The following ACTR5 variants were observed in gnomAD, a reference collection of about 807,000 sequenced individuals.
ACTR5 encodes actin related protein 5, also known as actin-related protein 5.
ACTR5 carries 43 observed loss-of-function variants against 61.2 expected under a neutral mutation model. That is an observed-to-expected ratio of 0.70 (90% CI 0.55 to 0.91). The LOEUF (loss-of-function observed/expected upper bound fraction) is 0.91, where lower values mean the gene tolerates loss of function less well. Ranked by LOEUF, ACTR5 falls within the 40% of genes least tolerant of loss-of-function variation. The pLI, the probability that ACTR5 is intolerant of heterozygous loss-of-function variation, is 0.00. For missense variants in ACTR5, 798 were observed against 782.2 expected, an observed-to-expected ratio of 1.02 and a Z score of -0.24; for synonymous variants, 333 against 310.5, an observed-to-expected ratio of 1.07 and a Z score of -0.76.
intron 5 of ACTR5, among the ~76,000 whole-genome samples, chr20:38,757,972 T>C (rs183239328): frequency 4.9e-4 from 74 of 151,918 alleles, no homozygotes; most frequent in African/African-American, 1.7e-3. Context: ...TCCGGAACCA[T>C]GTTGTCTTTG....
At position 38,765,919 on chromosome 20, in the gene ACTR5, C is replaced by T. The variant is rs888733022; in HGVS notation, c.1294-319C>T. On this transcript the variant is annotated intron_variant, in intron 6 of 8. Transcript: ENST00000243903. ...CCCACCTGGGAGAGAGCTTCCTTGC[C>T]GTGCAGGGATAGGGCACTAAGCAAG... Among the ~76,000 whole-genome samples, 18 of 152,206 alleles carry T rather than the reference C, an allele frequency of 1.2e-4. 2 individuals carry two copies. Among genetic ancestry groups the T allele is most frequent in the African/African-American group, 2.2e-4 (9 of 41,446 alleles).
At chr20:38,769,825 G>A (rs553904953) in intron 8 of ACTR5, among the ~76,000 whole-genome samples, 1 of 152,310 alleles carries the variant, frequency 6.6e-6, no homozygotes, top group Admixed American at 6.5e-5. Flanking sequence ...GTCTAAGAAG[G>A]AGGTGGAGGA....
chr20:38,766,618 G>A (rs1379292468), intron 7 of ACTR5, among the ~76,000 whole-genome samples: 1 of 152,172 alleles, frequency 6.6e-6, no homozygotes, highest in African/African-American at 2.4e-5. Flanking sequence ...CTTTAAGAGT[G>A]TCTTTTAAGT....
intron 1 of ACTR5, among the ~76,000 whole-genome samples, chr20:38,749,421 G>C (rs2084373081): frequency 6.6e-6 from 1 of 152,210 alleles, no homozygotes; most frequent in Non-Finnish European, 1.5e-5. Context: ...CCCGAGGCAG[G>C]AGTGTGCCCT....
At chr20:38,765,546 T>G in intron 6 of ACTR5, 28 bp downstream of exon 6, 1 of 1,576,168 alleles carries the variant, frequency 6.3e-7, no homozygotes, top group African/African-American at 1.3e-5. Flanking sequence ...CAGAACATGC[T>G]TATTCTTTGA....
intron 5 of ACTR5, among the ~76,000 whole-genome samples, chr20:38,764,839 T>C (rs572251688): frequency 6.6e-6 from 1 of 152,270 alleles, no homozygotes; most frequent in South Asian, 2.1e-4. Flanking sequence ...CCAGCTAATG[T>C]TTGTATTTTT....
chr20:38,749,292 G>A (rs1168759778), intron 1 of ACTR5, among the ~76,000 whole-genome samples: 1 of 152,192 alleles, frequency 6.6e-6, no homozygotes, highest in East Asian at 1.9e-4. Flanking sequence ...AGATGGTCAG[G>A]GTAGGACTCG....
At position 38,750,222 on chromosome 20, in the gene ACTR5, A is replaced by T; in HGVS notation, c.588A>T (p.Leu196Phe). ...ISSGYQCTHV[L>F]PILEGRLDAK... ...CTGGATACCAGTGTACGCATGTTTT[A>T]CCCATCTTAGAAGGGAGGTGAGTTG... Residue 196 changes from leucine to phenylalanine, a missense_variant, in exon 2 of 9, where the codon TTA becomes TTT. Coordinates refer to ENST00000243903, the MANE Select transcript of ACTR5 (RefSeq NM_024855.4). 6.2e-7 allele frequency: 1 copy of T among 1,613,932 alleles called. No individual in the cohort carries two copies. Among genetic ancestry groups the T allele is most frequent in the Non-Finnish European group, 8.5e-7 (1 of 1,179,934 alleles).
intron 3 of ACTR5, among the ~76,000 whole-genome samples, chr20:38,753,840 TTCTC>T (rs1308994914): frequency 2.0e-5 from 3 of 152,064 alleles, no homozygotes; most frequent in African/African-American, 4.8e-5. Context: ...GTTCCTCTGT[TTCTC>T]TCTCCTGCCT....
intron 2 of ACTR5, 111 bp downstream of exon 2, chr20:38,750,350 T>G: frequency 1.1e-6 from 1 of 896,344 alleles, no homozygotes; most frequent in Non-Finnish European, 1.7e-6. Flanking sequence ...GCCTGTGAAC[T>G]GAGCCGTTGG....
At position 38,755,708 on chromosome 20, in the gene ACTR5, G is replaced by A. The variant is rs181682211; in HGVS notation, c.994-149G>A. The stretch of plus-strand genomic sequence containing the variant: ...GCAATGCTAGCCTAGAGACAGAGAG[G>A]TGGGCAGCTGTGTGAAACTGGAGGC... On this transcript the variant is annotated intron_variant, in intron 4 of 8. Coordinates refer to ENST00000243903, the MANE Select transcript of ACTR5 (RefSeq NM_024855.4). The A allele has an allele frequency of 2.5e-5, 18 of 713,102 alleles. No homozygotes were observed. In the East Asian group the frequency reaches 3.8e-4, roughly 15 times the overall value. 44.2% of individuals were successfully genotyped at this position (713,102 alleles called of 1,614,324 possible).
At chr20:38,759,261 C>T (rs2084439055) in intron 5 of ACTR5, among the ~76,000 whole-genome samples, 1 of 152,214 alleles carries the variant, frequency 6.6e-6, no homozygotes, top group Non-Finnish European at 1.5e-5. Context: ...AACCATGCTG[C>T]ATCTTCTGTG....
chr20:38,754,749 T>C (rs993737680), intron 3 of ACTR5, among the ~76,000 whole-genome samples: 7 of 151,834 alleles, frequency 4.6e-5, no homozygotes, highest in South Asian at 2.1e-4. Context: ...CCACCACGCA[T>C]GGCTAATTTT....
At chr20:38,771,214 G>T (rs1395082636) in intron 8 of ACTR5, among the ~76,000 whole-genome samples, 1 of 152,202 alleles carries the variant, frequency 6.6e-6, no homozygotes, top group Non-Finnish European at 1.5e-5. Flanking sequence ...GGCCAGGAAG[G>T]CCTTTTCCCC....
Position 38,755,230 on chromosome 20 carries a change from G to A in ACTR5, c.993+56G>A. 3 of 1,476,098 alleles carry A rather than the reference G, an allele frequency of 2.0e-6. No homozygotes were observed. The South Asian group carries it at 4.1e-5, about 20-fold the overall frequency. The allele number at this position is 1,476,098 out of a possible 1,614,324, so 91.4% of individuals were successfully genotyped here. On this transcript the variant is annotated intron_variant, in intron 4 of 8. Coordinates refer to ENST00000243903, the MANE Select transcript of ACTR5 (RefSeq NM_024855.4). ...CCGTGTTAACAAGATAGTCTCAGAA[G>A]ATTTTCTTGCATATTTTTCCATTGG... is the stretch of plus-strand genomic sequence containing the variant.
In ACTR5 at chr20:38,770,113, C is replaced by A. The variant is rs960876248; in HGVS notation, c.1567-1446C>A. Among the ~76,000 whole-genome samples, 9 of 152,150 alleles carry A rather than the reference C, an allele frequency of 5.9e-5. No individual in the cohort carries two copies. The East Asian group carries it at 1.4e-3, about 23-fold the overall frequency. On this transcript the variant is annotated intron_variant, in intron 8 of 8. Transcript: ENST00000243903. ...TCACCTGGCCTAGCCTCAGCTCCCC[C>A]CTCCCCTCCTGTTTCTGCCCCCTTT...
intron 2 of ACTR5, among the ~76,000 whole-genome samples, 178 bp from the exon 3 acceptor site, chr20:38,751,953 G>A (rs549802725): frequency 6.6e-6 from 1 of 152,144 alleles, no homozygotes; most frequent in Non-Finnish European, 1.5e-5. Context: ...AGGAATGCCT[G>A]CCTAGATAAG....
chr20:38,753,076 A>G (rs2084396377), intron 3 of ACTR5, among the ~76,000 whole-genome samples: 1 of 152,246 alleles, frequency 6.6e-6, no homozygotes, highest in African/African-American at 2.4e-5. Context: ...TGCGGGAGAC[A>G]GATAGGGAAA....
intron 4 of ACTR5, 51 bp from the exon 5 acceptor site, chr20:38,755,806 G>A (rs112636336): frequency 2.2e-5 from 36 of 1,607,888 alleles, no homozygotes; most frequent in African/African-American, 5.4e-5. Flanking sequence ...CGTTTTCTCC[G>A]TTTGGCTTTG....
Sources: allele counts gnomAD v4.1 joint callset (sites outside exome capture counted in the v4.1 genomes callset), GRCh38; gene constraint gnomAD v4.1.1; transcripts MANE v1.5; gene names NCBI Gene and HGNC (gene_info 2026-07-23, HGNC 2026-07-21).